The following STYXL1 variants were observed in gnomAD, a reference collection of about 807,000 sequenced individuals.
STYXL1 encodes serine/threonine/tyrosine interacting like 1.
Under a neutral mutation model 36.4 loss-of-function variants are expected in STYXL1, and 32 were observed. That is an observed-to-expected ratio of 0.88 (90% CI 0.66 to 1.18). STYXL1 has a LOEUF of 1.18. Ranked by LOEUF, STYXL1 falls within the 50% of genes most tolerant of loss-of-function variation. The pLI, the probability that STYXL1 is intolerant of heterozygous loss-of-function variation, is 0.00. For missense variants in STYXL1, 354 were observed against 394.1 expected (o/e 0.90, Z 0.86); for synonymous variants, 133 against 144.1 (o/e 0.92, Z 0.55).
chr7:76,003,659 G>T, intron 7 of STYXL1, 99 bp downstream of exon 7: 1 of 1,105,916 alleles, frequency 9.0e-7, no homozygotes, highest in Non-Finnish European at 1.3e-6. Flanking sequence ...TAGAGCATGG[G>T]GAAATCACGG....
At chr7:76,043,111 T>G (rs1384738064) in intron 1 of STYXL1, among the ~76,000 whole-genome samples, 4 of 152,214 alleles carry the variant, frequency 2.6e-5, no homozygotes, top group Admixed American at 2.6e-4. Context: ...GAAGGCCAAC[T>G]AGTAGCTATT....
At chr7:76,022,846 G>C (rs1794242887) in intron 3 of STYXL1, among the ~76,000 whole-genome samples, 1 of 152,132 alleles carries the variant, frequency 6.6e-6, no homozygotes, top group Non-Finnish European at 1.5e-5. Context: ...AGGATCGCTT[G>C]AGCCCTGGAG....
At chr7:76,000,268 C>G (rs1381865348) in intron 8 of STYXL1, among the ~76,000 whole-genome samples, 2 of 151,584 alleles carry the variant, frequency 1.3e-5, no homozygotes, top group Non-Finnish European at 2.9e-5. Flanking sequence ...ACAACTTCAC[C>G]CCCAAAGTGC....
Position 76,021,716 on chromosome 7 carries a change from T to C in STYXL1, c.307+135A>G, listed in dbSNP as rs143931411. ...GGTATCCAGTGATCATGAAGCTCTT[T>C]TTCTGACGCAAACCCTGCTGTCTCA... On this transcript the variant is annotated intron_variant, in intron 4 of 8. Transcript: ENST00000359697. 1.5e-3 allele frequency: 1,086 copies of C among 709,080 alleles called. 10 individuals carry two copies. The African/African-American group carries it at 0.017, about 11-fold the overall frequency. The allele number at this position is 709,080 out of a possible 1,614,324, so 43.9% of individuals were successfully genotyped here.
intron 1 of STYXL1, among the ~76,000 whole-genome samples, chr7:76,040,321 G>T (rs1796358607): frequency 6.6e-6 from 1 of 152,130 alleles, no homozygotes; most frequent in Non-Finnish European, 1.5e-5. Flanking sequence ...ACCAGGCTGT[G>T]ACCTGGCTTT....
intron 5 of STYXL1, among the ~76,000 whole-genome samples, chr7:76,007,550 T>G (rs80171070): frequency 1.3e-5 from 2 of 152,064 alleles, no homozygotes; most frequent in African/African-American, 4.8e-5. Flanking sequence ...CCTCCATGGA[T>G]ACTGGACAAC....
At chr7:76,046,229 TC>T (rs1386775367) in intron 1 of STYXL1, among the ~76,000 whole-genome samples, 1 of 151,522 alleles carries the variant, frequency 6.6e-6, no homozygotes, top group Non-Finnish European at 1.5e-5. Flanking sequence ...AGTTGAATGT[TC>T]CATTGAGAAA....
At chr7:76,037,453 G>A (rs984241132) in intron 1 of STYXL1, among the ~76,000 whole-genome samples, 1 of 150,102 alleles carries the variant, frequency 6.7e-6, no homozygotes, top group African/African-American at 2.4e-5. Flanking sequence ...GACAGCACGT[G>A]TCTATATTTG....
At chr7:76,006,106 T>C (rs553778213) in intron 5 of STYXL1, among the ~76,000 whole-genome samples, 5 of 152,226 alleles carry the variant, frequency 3.3e-5, no homozygotes, top group African/African-American at 9.6e-5. Flanking sequence ...TCTCTCACTC[T>C]GTCACCCAGG....
chr7:75,997,539 G>T (rs1790288134), intron 8 of STYXL1, among the ~76,000 whole-genome samples: 1 of 152,182 alleles, frequency 6.6e-6, no homozygotes, highest in African/African-American at 2.4e-5. Context: ...TTTCCTCTAA[G>T]ATCGGGAACA....
chr7:76,003,662 A>C, intron 7 of STYXL1, 96 bp downstream of exon 7: 1 of 1,132,504 alleles, frequency 8.8e-7, no homozygotes, highest in South Asian at 1.4e-5. Context: ...AGCATGGGGA[A>C]ATCACGGTCC....
intron 1 of STYXL1, among the ~76,000 whole-genome samples, chr7:76,035,300 G>C (rs1411992527): frequency 6.6e-6 from 1 of 152,032 alleles, no homozygotes; most frequent in African/African-American, 2.4e-5. Context: ...TAATAGTCCG[G>C]GAAATCTTTA....
At chr7:76,000,747 G>A (rs1241791431) in intron 8 of STYXL1, 143 bp downstream of exon 8, 28 of 675,424 alleles carry the variant, frequency 4.1e-5, no homozygotes, top group Middle Eastern at 4.0e-4. Flanking sequence ...TGGGTGACGC[G>A]GACTGGGGAG....
At chr7:76,035,130 C>T (rs1269325295) in intron 1 of STYXL1, among the ~76,000 whole-genome samples, 1 of 149,642 alleles carries the variant, frequency 6.7e-6, no homozygotes, top group African/African-American at 2.4e-5. Context: ...CATCCAGTCT[C>T]TGAGCTCTGC....
chr7:76,032,496 T>C (rs1385063878), intron 1 of STYXL1, among the ~76,000 whole-genome samples: 1 of 151,570 alleles, frequency 6.6e-6, no homozygotes, highest in Admixed American at 6.6e-5. Context: ...AGATCACCTT[T>C]GGTCAGGAGT....
At chr7:76,029,992 CTTTTTTA>C (rs1189032222) in intron 2 of STYXL1, among the ~76,000 whole-genome samples, 7 of 151,684 alleles carry the variant, frequency 4.6e-5, no homozygotes, top group African/African-American at 1.7e-4. Flanking sequence ...TTGCGGACTT[CTTTTTTA>C]TTTTTTTTTT....
intron 2 of STYXL1, 46 bp downstream of exon 2, chr7:76,030,375 G>A (rs782123276): frequency 7.3e-7 from 1 of 1,367,318 alleles, no homozygotes; most frequent in Admixed American, 1.7e-5. Context: ...AATAATGTTT[G>A]AAGGACACTG....
chr7:76,039,937 G>T lies in STYXL1; in HGVS notation c.-5+7725C>A, dbSNP rs1554581799. ...GCTGGGATAACAGGCATTAGCCACGGCGCCTGGCCTCCATCGCTAGTACCT... is the reference window on the plus strand; with the variant it reads ...GCTGGGATAACAGGCATTAGCCACGTCGCCTGGCCTCCATCGCTAGTACCT... On this transcript the variant is annotated intron_variant, in intron 1 of 8. Coordinates refer to ENST00000359697, the MANE Select transcript of STYXL1 (RefSeq NM_001317785.2). 2.0e-5 allele frequency among the ~76,000 whole-genome samples: 3 copies of T among 152,286 alleles called. No homozygotes were observed. The South Asian group carries it at 6.2e-4, about 32-fold the overall frequency.
chr7:76,034,957 G>A (rs1035010421), intron 1 of STYXL1, among the ~76,000 whole-genome samples: 1 of 152,152 alleles, frequency 6.6e-6, no homozygotes, highest in Admixed American at 6.6e-5. Flanking sequence ...CTAGAAGGGT[G>A]CCTGGTAGAC....
Sources: gnomAD v4.1 joint callset for allele counts (sites outside exome capture counted in the v4.1 genomes callset) on GRCh38, gnomAD v4.1.1 for gene constraint, MANE v1.5 for transcripts, NCBI Gene and HGNC (gene_info 2026-07-23, HGNC 2026-07-21) for gene names.